The following ALDH4A1 variants were observed in gnomAD, a reference collection of about 807,000 sequenced individuals.
ALDH4A1 encodes the protein delta-1-pyrroline-5-carboxylate dehydrogenase, mitochondrial.
Under a neutral mutation model 70.5 loss-of-function variants are expected in ALDH4A1, and 46 were observed. The observed-to-expected ratio is 0.65, with a 90% confidence interval of 0.51 to 0.83. The LOEUF is 0.83. Ranked by LOEUF, ALDH4A1 falls within the 40% of genes least tolerant of loss-of-function variation. The pLI is 0.00. For missense variants in ALDH4A1, 749 were observed against 766.5 expected, an observed-to-expected ratio of 0.98 and a Z score of 0.27; for synonymous variants, 323 against 324.3, an observed-to-expected ratio of 1.00 and a Z score of 0.04.
chr1:18,881,456 T>C (rs1483167334), intron 8 of ALDH4A1, among the ~76,000 whole-genome samples: 1 of 152,176 alleles, frequency 6.6e-6, no homozygotes, highest in Non-Finnish European at 1.5e-5. Flanking sequence ...TGCGAAGCTC[T>C]TTCCTGTTCA....
chr1:18,899,133 G>C (rs1034690735), intron 1 of ALDH4A1, among the ~76,000 whole-genome samples: 3 of 152,210 alleles, frequency 2.0e-5, no homozygotes, highest in African/African-American at 7.2e-5. Context: ...CAGGCCAAAG[G>C]CACTGCCCCA....
In ALDH4A1 at chr1:18,886,473, A is replaced by G; in HGVS notation, c.288T>C (p.Tyr96=). Residue 96 remains tyrosine, a synonymous_variant, in exon 4 of 15, where the codon TAT becomes TAC. Coordinates refer to ENST00000375341, the MANE Select transcript of ALDH4A1 (RefSeq NM_003748.4). ...ACACAGGCTCACTCACCTTGTCTGC[A>G]TAACAGAACTTGGCCACCTTATGTC... is the stretch of plus-strand genomic sequence containing the variant. ...NHGHKVAKFC[Y]ADKSLLNKAI... The G allele has an allele frequency of 6.2e-7, 1 of 1,614,212 alleles. No homozygotes were observed.
intron 1 of ALDH4A1, chr1:18,901,047 G>A: frequency 6.9e-6 from 2 of 289,656 alleles, no homozygotes; most frequent in Non-Finnish European, 1.0e-5. Flanking sequence ...TAAATTCCCT[G>A]GGTACCCCTC....
At chr1:18,878,229 G>C (rs1934810467) in intron 9 of ALDH4A1, among the ~76,000 whole-genome samples, 2 of 152,164 alleles carry the variant, frequency 1.3e-5, no homozygotes, top group Admixed American at 1.3e-4. Context: ...TGCTTTGTCT[G>C]ACCAAAGCCT....
chr1:18,885,427 T>TGCCACCCCCCCCCCCCCCCCCCCCCCCCC, intron 5 of ALDH4A1, 46 bp downstream of exon 5: 1 of 650,922 alleles, frequency 1.5e-6, no homozygotes, highest in Non-Finnish European at 2.7e-6. Context: ...CACACCTGAC[T>TGCCACCCCCCCCCCCCCCCCCCCCCCCCC]CCCACCCCAC....
At chr1:18,877,105 GCTGGGTCATGCC>G in intron 11 of ALDH4A1, 91 bp downstream of exon 11, 1 of 1,427,016 alleles carries the variant, frequency 7.0e-7, no homozygotes, top group South Asian at 1.2e-5. Context: ...AAGCAGTGGG[GCTGGGTCATGCC>G]CTGGGTCAGG....
intron 1 of ALDH4A1, among the ~76,000 whole-genome samples, chr1:18,896,440 A>C (rs1034019208): frequency 7.2e-5 from 11 of 152,192 alleles, no homozygotes; most frequent in African/African-American, 2.7e-4. Context: ...AAGGACAAGG[A>C]GAGGAGAAAT....
chr1:18,875,997 A>G (rs1266148501), intron 12 of ALDH4A1, among the ~76,000 whole-genome samples: 1 of 152,200 alleles, frequency 6.6e-6, no homozygotes, highest in African/African-American at 2.4e-5. Context: ...ATCTCAGCCA[A>G]GTGCTCAGCC....
At chr1:18,876,668 T>TGTGTGTGTGTGTGTGTGC (rs1275925180) in intron 11 of ALDH4A1, among the ~76,000 whole-genome samples, 1 of 152,002 alleles carries the variant, frequency 6.6e-6, no homozygotes, top group African/African-American at 2.4e-5. Flanking sequence ...ACACTGTGTG[T>TGTGTGTGTGTGTGTGTGC]GTGTGTGTGT....
chr1:18,878,818 A>C (rs923926145), intron 9 of ALDH4A1, among the ~76,000 whole-genome samples: 5 of 152,094 alleles, frequency 3.3e-5, no homozygotes, highest in African/African-American at 1.2e-4. Flanking sequence ...AAACTTTAAT[A>C]TGCCAACAAG....
chr1:18,900,644 T>C (rs1411802175), intron 1 of ALDH4A1, among the ~76,000 whole-genome samples: 2 of 152,146 alleles, frequency 1.3e-5, no homozygotes, highest in Non-Finnish European at 1.5e-5. Flanking sequence ...CAAATGCGAA[T>C]AGTGGTGAGG....
intron 3 of ALDH4A1, among the ~76,000 whole-genome samples, chr1:18,887,586 G>A (rs181751418): frequency 9.2e-5 from 14 of 152,012 alleles, no homozygotes; most frequent in African/African-American, 2.2e-4. Flanking sequence ...GCGACAGAGC[G>A]AGACTCCGTC....
chr1:18,874,414 G>T (rs28529092), intron 14 of ALDH4A1, 49 bp downstream of exon 14: 2 of 1,540,280 alleles, frequency 1.3e-6, no homozygotes, highest in Non-Finnish European at 1.8e-6. Context: ...AACATCTAGG[G>T]TCTCCCACCA....
chr1:18,885,445 C>G, intron 5 of ALDH4A1, 28 bp downstream of exon 5: 1 of 951,060 alleles, frequency 1.1e-6, no homozygotes, highest in Non-Finnish European at 1.6e-6. Flanking sequence ...CACCCCGCCC[C>G]ACCCACCCGG....
chr1:18,887,435 T>TA (rs1466539482), intron 3 of ALDH4A1, among the ~76,000 whole-genome samples: 4 of 152,078 alleles, frequency 2.6e-5, no homozygotes, highest in Non-Finnish European at 5.9e-5. Context: ...CTCTCTCTAC[T>TA]AAAAATACAA....
chr1:18,881,044 C>G (rs994498340), intron 8 of ALDH4A1, among the ~76,000 whole-genome samples: 6 of 152,140 alleles, frequency 3.9e-5, no homozygotes, highest in Admixed American at 1.3e-4. Context: ...CACCACTGAG[C>G]CTTAGTGTGA....
At chr1:18,882,526 A>C (rs1291418973) in intron 7 of ALDH4A1, 2 of 522,358 alleles carry the variant, frequency 3.8e-6, no homozygotes, top group Non-Finnish European at 7.9e-6. Context: ...TGACTTGAAT[A>C]CCATCAACCC....
chr1:18,890,066 G>A lies in ALDH4A1; in HGVS notation c.102C>T (p.Asn34=), dbSNP rs148778436. The A allele has an allele frequency of 2.9e-4, 470 of 1,613,078 alleles. 4 individuals are homozygous for A. The African/African-American group carries it at 4.1e-3, about 14-fold the overall frequency. Residue 34 remains asparagine (N), a synonymous_variant, in exon 2 of 15, where the codon AAC becomes AAT. Transcript: ENST00000375341. ...CCTGCGTGAAGGCTAAGACGGGCTC[G>A]TTGGCCACCTTCAGGGAGGAGGTGT... ...WKHTSSLKVA[N]EPVLAFTQGS... is the part of the protein sequence containing the mutation.
intron 11 of ALDH4A1, 152 bp downstream of exon 11, chr1:18,877,056 G>A: frequency 1.0e-6 from 1 of 972,150 alleles, no homozygotes; most frequent in Non-Finnish European, 1.6e-6. Flanking sequence ...CCTTTCTGAA[G>A]CTGGAGGTGC....
Sources: gnomAD v4.1 joint callset for allele counts (sites outside exome capture counted in the v4.1 genomes callset) on GRCh38, gnomAD v4.1.1 for gene constraint, MANE v1.5 for transcripts, NCBI Gene and HGNC (gene_info 2026-07-23, HGNC 2026-07-21) for gene names.